SLX4IP: variants seen among roughly 807,000 people sequenced by gnomAD.
The protein encoded by SLX4IP is protein SLX4IP.
SLX4IP carries 34 observed loss-of-function variants against 32.9 expected under a neutral mutation model. The observed-to-expected ratio is 1.03, with a 90% CI of 0.79 to 1.38. The LOEUF is 1.38. Among genes scored for constraint, SLX4IP ranks in the 40% most tolerant of loss-of-function variants. SLX4IP has a pLI of 0.00. For missense variants in SLX4IP, 444 were observed against 479.0 expected, an observed-to-expected ratio of 0.93 and a Z score of 0.68; for synonymous variants, 172 against 171.7, an observed-to-expected ratio of 1.00 and a Z score of -0.01.
intron 6 of SLX4IP, among the ~76,000 whole-genome samples, chr20:10,620,450 G>A (rs925855746): frequency 1.3e-5 from 2 of 152,126 alleles, no homozygotes; most frequent in African/African-American, 4.8e-5. Flanking sequence ...GTTAGTATAA[G>A]GAAAAAAGTC....
At chr20:10,572,241 G>A (rs2066475076) in intron 4 of SLX4IP, among the ~76,000 whole-genome samples, 1 of 152,184 alleles carries the variant, frequency 6.6e-6, no homozygotes, top group Admixed American at 6.5e-5. Flanking sequence ...AGTGTCAGAG[G>A]CCACATGAAA....
intron 2 of SLX4IP, among the ~76,000 whole-genome samples, chr20:10,555,512 A>G (rs1405748569): frequency 6.6e-6 from 1 of 152,224 alleles, no homozygotes; most frequent in Non-Finnish European, 1.5e-5. Flanking sequence ...CCACATTTTA[A>G]GTGCTCAGCA....
intron 1 of SLX4IP, 29 bp downstream of exon 1, chr20:10,435,482 G>C (rs1223165470): frequency 6.6e-6 from 1 of 152,218 alleles, no homozygotes; most frequent in African/African-American, 2.4e-5. Context: ...GACAACCTCA[G>C]ATGTTCCTTC....
chr20:10,527,550 T>C (rs2065950130), intron 2 of SLX4IP, among the ~76,000 whole-genome samples: 1 of 152,252 alleles, frequency 6.6e-6, no homozygotes. Flanking sequence ...GGAAGATGTT[T>C]TTATAAGGTA....
rs1290899537 is a variant in SLX4IP, at chr20:10,560,787, G to C, written c.205G>C (p.Glu69Gln). ...CAAACAGCACAGGCCATCAAATGCA[G>C]AATTCACAAGATCCAATCCCTTGTC... ...VRKQHRPSNA[E>Q]FTRSNPLSLK... Residue 69 changes from glutamate (E) to glutamine (Q), a missense_variant, in exon 4 of 8, where the codon GAA becomes CAA. Coordinates refer to ENST00000334534, the MANE Select transcript of SLX4IP (RefSeq NM_001009608.3). 9.3e-6 allele frequency: 15 copies of C among 1,607,328 alleles called. No homozygotes were observed. The highest frequency in any genetic ancestry group is 1.3e-5 in the Non-Finnish European group (15 of 1,177,078).
At chr20:10,615,666 C>T (rs1357622861) in intron 6 of SLX4IP, among the ~76,000 whole-genome samples, 1 of 152,128 alleles carries the variant, frequency 6.6e-6, no homozygotes, top group African/African-American at 2.4e-5. Flanking sequence ...ATTTGTGTTG[C>T]TATAACACAA....
At chr20:10,514,623 G>A (rs1458362023) in intron 2 of SLX4IP, among the ~76,000 whole-genome samples, 1 of 152,210 alleles carries the variant, frequency 6.6e-6, no homozygotes, top group Non-Finnish European at 1.5e-5. Context: ...GAGCCTTAAT[G>A]TGGTTAAAAA....
Position 10,623,649 on chromosome 20 carries a change from G to C in SLX4IP, c.*270G>C, listed in dbSNP as rs1238187593. On this transcript the variant is annotated 3_prime_UTR_variant, in exon 8 of 8. Transcript: ENST00000334534. Reference sequence around the variant, plus strand: ...GTAATGACAAAGAGCCATCCACCTTGTCAGGGAGGAGACTGTGCAAGGACT... The same window carrying C: ...GTAATGACAAAGAGCCATCCACCTTCTCAGGGAGGAGACTGTGCAAGGACT... 2.1e-6 allele frequency: 1 copy of C among 479,116 alleles called. No homozygotes were observed. Among genetic ancestry groups the C allele is most frequent in the African/African-American group, 1.9e-5 (1 of 51,600 alleles). 29.7% of individuals were successfully genotyped at this position (479,116 alleles called of 1,614,324 possible). A position where few individuals can be genotyped will look rare whatever the true frequency, so the allele number is the denominator to read the frequency against.
intron 2 of SLX4IP, among the ~76,000 whole-genome samples, chr20:10,473,774 TAAAAA>T (rs570374420): frequency 1.3e-5 from 2 of 152,014 alleles, no homozygotes; most frequent in African/African-American, 2.4e-5. Flanking sequence ...GGCTAATTTT[TAAAAA>T]ATGTTTAGTA....
intron 1 of SLX4IP, among the ~76,000 whole-genome samples, chr20:10,457,065 C>T (rs2065290938): frequency 6.6e-6 from 1 of 152,046 alleles, no homozygotes; most frequent in South Asian, 2.1e-4. Flanking sequence ...AAATATTTAT[C>T]ATATATCCTA....
At chr20:10,475,471 C>G (rs1481725380) in intron 2 of SLX4IP, among the ~76,000 whole-genome samples, 1 of 152,186 alleles carries the variant, frequency 6.6e-6, no homozygotes, top group African/African-American at 2.4e-5. Context: ...TCTCAGCATA[C>G]TGGCATCAGT....
At chr20:10,536,429 A>G (rs929105920) in intron 2 of SLX4IP, among the ~76,000 whole-genome samples, 6 of 152,108 alleles carry the variant, frequency 3.9e-5, no homozygotes, top group African/African-American at 1.4e-4. Context: ...CTTCTGTATC[A>G]TCAATTAGAA....
rs1377402478 is a variant in SLX4IP, at chr20:10,626,791, A to G, written c.*3412A>G. Reference sequence around the variant, plus strand: ...TCTTTTGTTCACTTATTTTAATACTATAGAAGTGTATTTCATTTTATAAAA... The same window carrying G: ...TCTTTTGTTCACTTATTTTAATACTGTAGAAGTGTATTTCATTTTATAAAA... On this transcript the variant is annotated 3_prime_UTR_variant, in exon 8 of 8. Coordinates refer to ENST00000334534, the MANE Select transcript of SLX4IP (RefSeq NM_001009608.3). The G allele has an allele frequency of 2.6e-5, 4 of 152,212 alleles. No homozygotes were observed. Among genetic ancestry groups the G allele is most frequent in the East Asian group, 3.8e-4 (2 of 5,204 alleles). The allele number at this position is 152,212 out of a possible 1,614,324, so 9.4% of individuals were successfully genotyped here. A position where few individuals can be genotyped will look rare whatever the true frequency, so the allele number is the denominator to read the frequency against.
chr20:10,457,828 G>A (rs6039946), intron 1 of SLX4IP, among the ~76,000 whole-genome samples: 74,619 of 151,446 alleles, frequency 0.49, 19,860 homozygotes, highest in Non-Finnish European at 0.6. Context: ...ATCTGAGCCT[G>A]TGCTTTTCTC....
At chr20:10,614,469 A>T (rs1436121347) in intron 6 of SLX4IP, among the ~76,000 whole-genome samples, 1 of 152,180 alleles carries the variant, frequency 6.6e-6, no homozygotes, top group Non-Finnish European at 1.5e-5. Flanking sequence ...TGTGGTCAGG[A>T]TGAGCTGGGA....
chr20:10,567,932 T>C (rs1295096587), intron 4 of SLX4IP, among the ~76,000 whole-genome samples: 1 of 152,218 alleles, frequency 6.6e-6, no homozygotes, highest in Non-Finnish European at 1.5e-5. Flanking sequence ...TAGGCACAAA[T>C]TTTTATCTGT....
At chr20:10,517,616 C>T (rs2065861309) in intron 2 of SLX4IP, among the ~76,000 whole-genome samples, 1 of 152,174 alleles carries the variant, frequency 6.6e-6, no homozygotes. Context: ...CTACATTTCT[C>T]ATCAGTAAAT....
At chr20:10,523,194 G>T (rs911118495) in intron 2 of SLX4IP, among the ~76,000 whole-genome samples, 1 of 152,160 alleles carries the variant, frequency 6.6e-6, no homozygotes, top group African/African-American at 2.4e-5. Flanking sequence ...AGGATCTCAA[G>T]CTGGTTTCCA....
intron 2 of SLX4IP, among the ~76,000 whole-genome samples, chr20:10,544,160 G>C (rs1729367265): frequency 6.6e-6 from 1 of 152,098 alleles, no homozygotes; most frequent in African/African-American, 2.4e-5. Flanking sequence ...AGTTATATCT[G>C]TTCCTTAACT....
Sources: allele counts gnomAD v4.1 joint callset (sites outside exome capture counted in the v4.1 genomes callset), GRCh38; gene constraint gnomAD v4.1.1; transcripts MANE v1.5; gene names NCBI Gene and HGNC (gene_info 2026-07-23, HGNC 2026-07-21).